Variants in ATP8A2 observed in about 807,000 individuals in gnomAD.
ATP8A2 encodes the protein phospholipid-transporting ATPase IB.
Under a neutral mutation model 165.6 loss-of-function variants are expected in ATP8A2, and 100 were observed. That is an observed-to-expected ratio of 0.60 (90% CI 0.51 to 0.71). ATP8A2 has a LOEUF of 0.71. ATP8A2 is among the 30% of genes least tolerant of loss of function. The pLI, the probability that ATP8A2 is intolerant of heterozygous loss-of-function variation, is 0.00. For synonymous variants in ATP8A2, 543 were observed against 548.8 expected (o/e 0.99, Z 0.15); for missense variants, 1,227 against 1,479.5 (o/e 0.83, Z 2.80).
chr13:26,006,340 T>A (rs543295284), intron 35 of ATP8A2, among the ~76,000 whole-genome samples: 2 of 152,204 alleles, frequency 1.3e-5, no homozygotes, highest in East Asian at 3.9e-4. Flanking sequence ...TGTATACTAC[T>A]GATTTTTATT....
chr13:25,592,514 G>A (rs1299122416), intron 24 of ATP8A2, among the ~76,000 whole-genome samples: 5 of 152,268 alleles, frequency 3.3e-5, no homozygotes, highest in South Asian at 2.1e-4. Context: ...CCAAAACACC[G>A]CATCGGTGGA....
At chr13:25,404,143 C>T (rs1449075345) in intron 1 of ATP8A2, among the ~76,000 whole-genome samples, 1 of 152,050 alleles carries the variant, frequency 6.6e-6, no homozygotes, top group Non-Finnish European at 1.5e-5. Context: ...AGAGGAAGCA[C>T]ACAGGAAAAT....
chr13:25,818,554 C>A (rs905387229), intron 27 of ATP8A2, among the ~76,000 whole-genome samples: 6 of 152,088 alleles, frequency 3.9e-5, no homozygotes, highest in Admixed American at 1.3e-4. Flanking sequence ...TGGAATAACA[C>A]CTTTTGTTAG....
chr13:25,886,842 G>C (rs1377823113), intron 33 of ATP8A2, among the ~76,000 whole-genome samples: 1 of 152,192 alleles, frequency 6.6e-6, no homozygotes, highest in Non-Finnish European at 1.5e-5. Flanking sequence ...CAAGCCCTTA[G>C]TACTACATAG....
chr13:25,604,844 T>G (rs970930272), intron 24 of ATP8A2, among the ~76,000 whole-genome samples: 1 of 152,142 alleles, frequency 6.6e-6, no homozygotes, highest in Non-Finnish European at 1.5e-5. Context: ...AAATCTAGCT[T>G]TTGGAAGGGG....
intron 24 of ATP8A2, among the ~76,000 whole-genome samples, chr13:25,685,947 G>T (rs774247106): frequency 6.6e-6 from 1 of 152,154 alleles, no homozygotes; most frequent in African/African-American, 2.4e-5. Context: ...TATGGTCAGG[G>T]TCTAGATGCA....
At chr13:25,648,718 C>T (rs1276540807) in intron 24 of ATP8A2, among the ~76,000 whole-genome samples, 1 of 152,186 alleles carries the variant, frequency 6.6e-6, no homozygotes, top group Non-Finnish European at 1.5e-5. Flanking sequence ...AGCCTATGCA[C>T]ATCCTCCCAT....
intron 25 of ATP8A2, among the ~76,000 whole-genome samples, chr13:25,726,031 A>G (rs147962777): frequency 5.9e-5 from 9 of 152,382 alleles, no homozygotes; most frequent in African/African-American, 1.9e-4. Context: ...TACCTTTAGT[A>G]TGTAGATAGA....
intron 9 of ATP8A2, 79 bp from the exon 10 acceptor site, chr13:25,543,212 G>T (rs17082454): frequency 0.015 from 12,773 of 828,308 alleles, 179 homozygotes; most frequent in Admixed American, 0.057. Flanking sequence ...TTGATTTATT[G>T]TGGGTTCATG....
chr13:25,662,591 A>G (rs772447510), intron 24 of ATP8A2, among the ~76,000 whole-genome samples: 3 of 152,200 alleles, frequency 2.0e-5, no homozygotes, highest in Non-Finnish European at 2.9e-5. Context: ...ACTGTAAATG[A>G]ACAGTGAGCC....
chr13:25,397,507 C>T (rs536298654), intron 1 of ATP8A2, among the ~76,000 whole-genome samples: 1 of 152,256 alleles, frequency 6.6e-6, no homozygotes, highest in South Asian at 2.1e-4. Context: ...AGTGCACAGT[C>T]ACACTCCAGG....
At chr13:25,880,458 A>G (rs1593495493) in intron 33 of ATP8A2, among the ~76,000 whole-genome samples, 1 of 152,122 alleles carries the variant, frequency 6.6e-6, no homozygotes, top group African/African-American at 2.4e-5. Context: ...TGGTAGTTTC[A>G]CACTTAAGTA....
chr13:26,002,422 G>A (rs951786823), intron 35 of ATP8A2, among the ~76,000 whole-genome samples: 37 of 151,894 alleles, frequency 2.4e-4, no homozygotes, highest in African/African-American at 8.2e-4. Context: ...TCGTGGGGTG[G>A]GGGGATGGGG....
Position 25,435,009 on chromosome 13 carries a change from T to TA in ATP8A2, c.77-33967dup, listed in dbSNP as rs1328258775. ...CAGGCCCTCTGCTCTTCTTGGGATC[T>TA]ATGCATCCGTTCTGTGCTGGGGCAC... On this transcript the variant is annotated intron_variant, in intron 1 of 36. Coordinates refer to ENST00000381655, the MANE Select transcript of ATP8A2 (RefSeq NM_016529.6). 3.3e-5 allele frequency among the ~76,000 whole-genome samples: 5 copies of TA among 152,320 alleles called. No individual in the cohort carries two copies. The East Asian group carries it at 7.7e-4, about 24-fold the overall frequency.
intron 33 of ATP8A2, among the ~76,000 whole-genome samples, chr13:25,883,118 G>A (rs904282709): frequency 3.3e-5 from 5 of 152,122 alleles, no homozygotes; most frequent in African/African-American, 1.2e-4. Context: ...GTGGGGCTGG[G>A]CTCTGACCTC....
chr13:25,568,679 A>G (rs903552805), intron 16 of ATP8A2, among the ~76,000 whole-genome samples: 11 of 152,128 alleles, frequency 7.2e-5, no homozygotes, highest in Non-Finnish European at 1.3e-4. Context: ...TTGTGTATAG[A>G]TAGTGGTGAT....
chr13:25,990,141 T>C (rs1246173553), intron 35 of ATP8A2, among the ~76,000 whole-genome samples: 1 of 152,168 alleles, frequency 6.6e-6, no homozygotes, highest in Non-Finnish European at 1.5e-5. Context: ...TCTTTGCGTT[T>C]ATACGTTGGC....
intron 33 of ATP8A2, among the ~76,000 whole-genome samples, chr13:25,935,914 G>C (rs1276886578): frequency 6.6e-6 from 1 of 152,190 alleles, no homozygotes; most frequent in Admixed American, 6.5e-5. Flanking sequence ...TTGAGTTGCA[G>C]GTAATATGAG....
At chr13:25,434,006 G>A (rs531808666) in intron 1 of ATP8A2, among the ~76,000 whole-genome samples, 4 of 152,270 alleles carry the variant, frequency 2.6e-5, no homozygotes, top group African/African-American at 9.6e-5. Flanking sequence ...GAGATTACCT[G>A]TCAAGTACAA....
Sources: allele counts gnomAD v4.1 joint callset (sites outside exome capture counted in the v4.1 genomes callset), GRCh38; gene constraint gnomAD v4.1.1; transcripts MANE v1.5; gene names NCBI Gene and HGNC (gene_info 2026-07-23, HGNC 2026-07-21).